HTR2C: variants seen among roughly 807,000 people sequenced by gnomAD.
The protein encoded by HTR2C is 5-hydroxytryptamine (serotonin) receptor 2C, G protein-coupled.
In HTR2C, 5 loss-of-function variants were observed where a neutral mutation model predicts 21.0. The observed-to-expected ratio is 0.24, with a 90% CI of 0.12 to 0.50. The LOEUF (loss-of-function observed/expected upper bound fraction) is 0.50, where lower values mean the gene tolerates loss of function less well. Ranked by LOEUF, HTR2C falls within the 20% of genes least tolerant of loss-of-function variation. HTR2C has a pLI of 0.98. For missense variants in HTR2C, 271 were observed against 371.2 expected (o/e 0.73, Z 2.22); for synonymous variants, 150 against 145.3 (o/e 1.03, Z -0.23).
intron 5 of HTR2C, among the ~76,000 whole-genome samples, chrX:114,880,876 A>G (rs959597600): frequency 3.6e-4 from 40 of 111,316 alleles, no homozygotes; most frequent in African/African-American, 1.3e-3. Flanking sequence ...TAATGCTGCT[A>G]TGAACACTAA....
intron 1 of HTR2C, among the ~76,000 whole-genome samples, chrX:114,591,142 T>A (rs1292903144): frequency 2.7e-5 from 3 of 111,322 alleles, no homozygotes; most frequent in Non-Finnish European, 5.7e-5. Flanking sequence ...GTGGGTAGAT[T>A]GTTCTAGCAT....
At chrX:114,588,502 GT>G (rs1481868984) in intron 1 of HTR2C, among the ~76,000 whole-genome samples, 1 of 111,772 alleles carries the variant, frequency 8.9e-6, no homozygotes, top group Non-Finnish European at 1.9e-5. Flanking sequence ...AAGGTGTGGG[GT>G]TGAGCTCAAT....
chrX:114,881,720 C>T (rs2071183326), intron 5 of HTR2C, among the ~76,000 whole-genome samples: 1 of 110,263 alleles, frequency 9.1e-6, no homozygotes, highest in African/African-American at 3.3e-5. Flanking sequence ...ATGTCAGTAC[C>T]ACCTGGTCTT....
At chrX:114,707,127 A>T (rs1255994615) in intron 2 of HTR2C, among the ~76,000 whole-genome samples, 1 of 112,221 alleles carries the variant, frequency 8.9e-6, no homozygotes, top group East Asian at 2.8e-4. Flanking sequence ...AATTCTAAAA[A>T]CAAATTATTC....
At chrX:114,704,144 G>A (rs1464722494) in intron 2 of HTR2C, among the ~76,000 whole-genome samples, 1 of 111,283 alleles carries the variant, frequency 9.0e-6, no homozygotes, top group African/African-American at 3.3e-5. Context: ...GGAGGAACTG[G>A]TACCATTCAT....
intron 4 of HTR2C, among the ~76,000 whole-genome samples, chrX:114,774,635 T>C (rs782650313): frequency 8.9e-6 from 1 of 112,174 alleles, no homozygotes; most frequent in Admixed American, 9.5e-5. Context: ...ATTTTCCACT[T>C]ACAGTACAGT....
intron 4 of HTR2C, chrX:114,775,444 C>A: frequency 1.9e-6 from 1 of 515,067 alleles, no homozygotes; most frequent in Non-Finnish European, 3.6e-6. Context: ...CCTTCATAAA[C>A]CTGAATCAGC....
intron 4 of HTR2C, among the ~76,000 whole-genome samples, chrX:114,774,164 T>C (rs1166920634): frequency 1.8e-5 from 2 of 111,588 alleles, no homozygotes; most frequent in Admixed American, 9.6e-5. Context: ...TATGCATATG[T>C]GTGTTTGTGT....
chrX:114,806,887 A>G (rs1164039833), intron 4 of HTR2C, among the ~76,000 whole-genome samples: 2 of 102,178 alleles, frequency 2.0e-5, no homozygotes, highest in Non-Finnish European at 4.0e-5. Context: ...TACACCATAT[A>G]TATACCATAT....
intron 2 of HTR2C, among the ~76,000 whole-genome samples, chrX:114,623,831 T>C (rs1556402234): frequency 1.8e-5 from 2 of 110,462 alleles, no homozygotes; most frequent in African/African-American, 6.6e-5. Context: ...AGCAAAATAG[T>C]ATTATTTATA....
chrX:114,659,890 G>T (rs1160195412), intron 2 of HTR2C, among the ~76,000 whole-genome samples: 1 of 110,665 alleles, frequency 9.0e-6, no homozygotes, highest in African/African-American at 3.3e-5. Flanking sequence ...GAGTGTACAG[G>T]TACTCTCCAC....
chrX:114,697,953 C>G (rs1183335870), intron 2 of HTR2C, among the ~76,000 whole-genome samples: 1 of 112,029 alleles, frequency 8.9e-6, no homozygotes, highest in Non-Finnish European at 1.9e-5. Flanking sequence ...CAGCTCTTAT[C>G]TAGAGGCTCT....
intron 4 of HTR2C, among the ~76,000 whole-genome samples, chrX:114,829,922 T>G (rs1247374786): frequency 9.0e-6 from 1 of 111,388 alleles, no homozygotes; most frequent in Non-Finnish European, 1.9e-5. Flanking sequence ...TCCTAAAATT[T>G]TTTTCTCCTT....
At chrX:114,898,393 A>G (rs2071312540) in intron 5 of HTR2C, among the ~76,000 whole-genome samples, 1 of 112,078 alleles carries the variant, frequency 8.9e-6, no homozygotes, top group Non-Finnish European at 1.9e-5. Flanking sequence ...GAAGCTCTTT[A>G]GTTTAACTAG....
At chrX:114,706,490 T>C (rs1290235848) in intron 2 of HTR2C, among the ~76,000 whole-genome samples, 14 of 95,406 alleles carry the variant, frequency 1.5e-4, no homozygotes, top group African/African-American at 5.5e-4. Flanking sequence ...TTCTCACTCA[T>C]AGTTGGGAAT....
intron 2 of HTR2C, among the ~76,000 whole-genome samples, chrX:114,623,832 A>G (rs990042737): frequency 1.9e-5 from 2 of 107,627 alleles, no homozygotes; most frequent in South Asian, 8.0e-4. Flanking sequence ...GCAAAATAGT[A>G]TTATTTATAA....
chrX:114,853,522 C>T (rs1211783414), intron 5 of HTR2C, among the ~76,000 whole-genome samples: 1 of 111,383 alleles, frequency 9.0e-6, no homozygotes, highest in African/African-American at 3.3e-5. Context: ...TATTCTTGTA[C>T]GTTGTGACAT....
At chrX:114,904,878 C>T (rs868964183) in intron 5 of HTR2C, among the ~76,000 whole-genome samples, 3 of 73,074 alleles carry the variant, frequency 4.1e-5, no homozygotes, top group South Asian at 2.1e-3. Context: ...AGTCTGGCAG[C>T]TTTCTTAACT....
chrX:114,601,319 A>G (rs1457137174), intron 1 of HTR2C, among the ~76,000 whole-genome samples: 1 of 111,099 alleles, frequency 9.0e-6, no homozygotes, highest in Non-Finnish European at 1.9e-5. Context: ...TTGTGTGAGC[A>G]ACATGGCTGT....
Sources: allele counts gnomAD v4.1 joint callset (sites outside exome capture counted in the v4.1 genomes callset), GRCh38; gene constraint gnomAD v4.1.1; transcripts MANE v1.5; gene names NCBI Gene and HGNC (gene_info 2026-07-23, HGNC 2026-07-21).